MUL1: variants seen among roughly 807,000 people sequenced by gnomAD.
MUL1 encodes the protein mitochondrial E3 ubiquitin protein ligase 1.
In MUL1, 30 loss-of-function variants were observed where a neutral mutation model predicts 34.1. The ratio of observed to expected loss-of-function variants is 0.88; its 90% CI spans 0.66 to 1.19. The LOEUF is 1.19. MUL1 is among the 50% of genes most tolerant of loss of function. The pLI is 0.00. For synonymous variants in MUL1, 191 were observed against 187.8 expected (o/e 1.02, Z -0.14); for missense variants, 419 against 450.5 (o/e 0.93, Z 0.63).
Position 20,500,849 on chromosome 1 carries a change from G to A in MUL1, c.900C>T (p.Ser300=), listed in dbSNP as rs147427401. Residue 300 remains serine (S), a synonymous_variant, in exon 4 of 4, where the codon AGC becomes AGT. Transcript: ENST00000264198. ...AKPEDRESLK[S]ACVVCLSSFK... is the part of the protein sequence containing the mutation. ...AGCTGCTCAGACACACTACACAGGC[G>A]CTCTTCAGACTCTCCCTGTCCTCAG... is the stretch of plus-strand genomic sequence containing the variant. 2.5e-5 allele frequency: 41 copies of A among 1,614,038 alleles called. No homozygotes were observed. The East Asian group carries it at 3.8e-4, about 15-fold the overall frequency.
At chr1:20,507,482 C>T (rs2051727256) in intron 1 of MUL1, among the ~76,000 whole-genome samples, 1 of 152,196 alleles carries the variant, frequency 6.6e-6, no homozygotes, top group South Asian at 2.1e-4. Flanking sequence ...CTCCAGCATT[C>T]CATGTCCTCT....
rs374704235 is a variant in MUL1, at chr1:20,500,883, C to G, written c.866G>C (p.Arg289Pro). The change falls in exon 4 of 4, where the codon CGA becomes CCA. Residue 289 changes from arginine to proline, a missense_variant. By Grantham distance (103) the Arg-to-Pro change is moderately radical. Transcript: ENST00000264198. The part of the protein sequence containing the change: ...FQEHEAQLLS[R>P]AKPEDRESLK... ...ACTCTCCCTGTCCTCAGGCTTGGCTCGGCTCAGCAGCTGGGCCTCATGCTC... is the reference window on the plus strand; with the variant it reads ...ACTCTCCCTGTCCTCAGGCTTGGCTGGGCTCAGCAGCTGGGCCTCATGCTC... The G allele has an allele frequency of 6.2e-7, 1 of 1,613,974 alleles. No individual in the cohort carries two copies. The highest frequency in any genetic ancestry group is 1.3e-5 in the African/African-American group (1 of 74,946).
intron 2 of MUL1, 40 bp downstream of exon 2, chr1:20,503,182 A>G (rs762246895): frequency 7.2e-6 from 10 of 1,396,652 alleles, no homozygotes; most frequent in East Asian, 2.3e-5. Context: ...ATCTTTTGGG[A>G]AAAAGACGTT....
intron 1 of MUL1, among the ~76,000 whole-genome samples, chr1:20,504,529 T>G (rs1173937748): frequency 6.6e-6 from 1 of 152,184 alleles, no homozygotes; most frequent in Admixed American, 6.5e-5. Flanking sequence ...CACTCTGAGT[T>G]TAAGCTACTG....
chr1:20,508,146 T>TA lies in MUL1; in HGVS notation c.-123_-122insT, dbSNP rs2051737899. ...GCCTAACCTGACCGGAAACTCGAAA[T>TA]CAGTCGCCCAGCGATGACGCACGAC... On this transcript the variant is annotated 5_prime_UTR_variant, in exon 1 of 4. Coordinates refer to ENST00000264198, the MANE Select transcript of MUL1 (RefSeq NM_024544.3). 7.2e-7 allele frequency: 1 copy of TA among 1,397,112 alleles called. No individual in the cohort carries two copies. The highest frequency in any genetic ancestry group is 1.4e-5 in the African/African-American group (1 of 69,626). 86.5% of individuals were successfully genotyped at this position (1,397,112 alleles called of 1,614,324 possible). A position where few individuals can be genotyped will look rare whatever the true frequency, so the allele number is the denominator to read the frequency against.
chr1:20,501,348 C>A lies in MUL1; in HGVS notation c.401G>T (p.Gly134Val), dbSNP rs1221191686. 1.9e-6 allele frequency: 3 copies of A among 1,614,154 alleles called. No homozygotes were observed. Residue 134 changes from glycine to valine, a missense_variant, in exon 4 of 4, where the codon GGC becomes GTC. Transcript: ENST00000264198. This position sits in a 1 kb window ranked among gnomAD's most constrained non-coding sequence, Gnocchi z 4.2. ...VPFDLVPHED[G>V]VDVAVRVLKP... Reference sequence around the variant, plus strand: ...CAGCACTCGCACAGCCACATCCACGCCATCCTCGTGGGGCACCAGGTCAAA... The same window carrying A: ...CAGCACTCGCACAGCCACATCCACGACATCCTCGTGGGGCACCAGGTCAAA...
intron 1 of MUL1, among the ~76,000 whole-genome samples, chr1:20,506,315 T>A (rs2051713443): frequency 6.6e-6 from 1 of 152,176 alleles, no homozygotes; most frequent in African/African-American, 2.4e-5. Flanking sequence ...TGCCAAGTAC[T>A]GTGTTAGAAG....
rs190603480 is a variant in MUL1 at position 20,508,118 on chromosome 1, C to G, written c.-94G>C. 63 of 1,459,692 alleles carry G rather than the reference C, an allele frequency of 4.3e-5. No individual in the cohort carries two copies. Among genetic ancestry groups the G allele is most frequent in the Middle Eastern group, 5.0e-4 (2 of 4,012 alleles). The allele number at this position is 1,459,692 out of a possible 1,614,324, so 90.4% of individuals were successfully genotyped here. A position where few individuals can be genotyped will look rare whatever the true frequency, so the allele number is the denominator to read the frequency against. On this transcript the variant is annotated 5_prime_UTR_variant, in exon 1 of 4. Coordinates refer to ENST00000264198, the MANE Select transcript of MUL1 (RefSeq NM_024544.3). The stretch of plus-strand genomic sequence containing the variant: ...TCCTTCCGACCAGGACCGCACCCCC[C>G]CGGCCTAACCTGACCGGAAACTCGA...
rs1570330363 is a variant in MUL1 at position 20,499,487 on chromosome 1, C to A, written c.*1203G>T. On this transcript the variant is annotated 3_prime_UTR_variant, in exon 4 of 4. Transcript: ENST00000264198. ...TTTAATTTCTGCTGTTCACACTGGACACTGCATCATACTAGTGTCGGCCCC... is the reference window on the plus strand; with the variant it reads ...TTTAATTTCTGCTGTTCACACTGGAAACTGCATCATACTAGTGTCGGCCCC... 1 of 152,268 alleles carries A rather than the reference C, an allele frequency of 6.6e-6. No homozygotes were observed. The highest frequency in any genetic ancestry group is 1.5e-5 in the Non-Finnish European group (1 of 68,076). 9.4% of individuals were successfully genotyped at this position (152,268 alleles called of 1,614,324 possible). A position where few individuals can be genotyped will look rare whatever the true frequency, so the allele number is the denominator to read the frequency against.
intron 2 of MUL1, among the ~76,000 whole-genome samples, chr1:20,502,843 A>AG (rs2051677212): frequency 6.6e-6 from 1 of 152,060 alleles, no homozygotes; most frequent in African/African-American, 2.4e-5. Flanking sequence ...CTCAAAAAAA[A>AG]ATTTTTTTTT....
intron 2 of MUL1, 95 bp downstream of exon 2, chr1:20,503,127 A>G (rs2051680451): frequency 1.2e-6 from 1 of 858,222 alleles, no homozygotes; most frequent in African/African-American, 1.7e-5. Context: ...CCATGGACCC[A>G]ACACCACAAA....
chr1:20,502,738 C>T (rs991103059), intron 2 of MUL1, among the ~76,000 whole-genome samples: 6 of 152,018 alleles, frequency 3.9e-5, no homozygotes, highest in Admixed American at 1.3e-4. Flanking sequence ...TTCATCATGT[C>T]GACCAGGCTG....
In MUL1 at chr1:20,499,782, A is replaced by G. The variant is rs1036624940; in HGVS notation, c.*908T>C. On this transcript the variant is annotated 3_prime_UTR_variant, in exon 4 of 4. Transcript: ENST00000264198. The stretch of plus-strand genomic sequence containing the variant: ...CTGGATGAGGGAGCCCCAAGAGGGC[A>G]TATGCTCAGGGTGCCAGCCGGCTGC... 1.3e-5 allele frequency: 2 copies of G among 152,260 alleles called. No homozygotes were observed. Among genetic ancestry groups the G allele is most frequent in the African/African-American group, 4.8e-5 (2 of 41,462 alleles). 9.4% of individuals were successfully genotyped at this position (152,260 alleles called of 1,614,324 possible). A position where few individuals can be genotyped will look rare whatever the true frequency, so the allele number is the denominator to read the frequency against.
intron 1 of MUL1, among the ~76,000 whole-genome samples, chr1:20,507,326 G>C (rs111943919): frequency 6.6e-6 from 1 of 152,260 alleles, no homozygotes; most frequent in Non-Finnish European, 1.5e-5. Context: ...GGAAGCGTCT[G>C]TAAAGCAAGG....
At chr1:20,505,611 AGG>A (rs2051706627) in intron 1 of MUL1, among the ~76,000 whole-genome samples, 2 of 141,496 alleles carry the variant, frequency 1.4e-5, no homozygotes, top group Non-Finnish European at 1.5e-5. Context: ...AAAAAAGAAG[AGG>A]AAAAAGAAAA....
intron 1 of MUL1, among the ~76,000 whole-genome samples, chr1:20,505,070 A>C (rs1056322207): frequency 3.3e-5 from 5 of 152,222 alleles, no homozygotes; most frequent in Admixed American, 1.3e-4. Flanking sequence ...ACTTGGGACA[A>C]CTTCATTTAT....
At position 20,500,795 on chromosome 1, in the gene MUL1, C is replaced by A. The variant is rs758358899; in HGVS notation, c.954G>T (p.Gly318=). 1.6e-5 allele frequency: 26 copies of A among 1,614,036 alleles called. No individual in the cohort carries two copies. The highest frequency in any genetic ancestry group is 2.2e-5 in the Non-Finnish European group (26 of 1,180,036). Residue 318 remains glycine, a synonymous_variant, in exon 4 of 4, where the codon GGG becomes GGT. Coordinates refer to ENST00000264198, the MANE Select transcript of MUL1 (RefSeq NM_024544.3). ...AGCACTCGGTGCAGGAACAAACGTG[C>A]CCACACTCCAGAAAGACGCAGGACT... ...SFKSCVFLEC[G]HVCSCTECYR...
rs113567517 is a variant in MUL1, at chr1:20,506,765, A to G, written c.120+1140T>C. 2.3e-3 allele frequency among the ~76,000 whole-genome samples: 355 copies of G among 151,932 alleles called. 2 individuals are homozygous for G. The highest frequency in any genetic ancestry group is 8.0e-3 in the African/African-American group (331 of 41,410). ...CTCCGGAGGCTGAGGCAGGAAAATC[A>G]CTTGAACGCGGGAGGCAGAGGTTGC... is the stretch of plus-strand genomic sequence containing the variant. On this transcript the variant is annotated intron_variant, in intron 1 of 3. Transcript: ENST00000264198.
At position 20,507,975 on chromosome 1, in the gene MUL1, G is replaced by A; in HGVS notation, c.50C>T (p.Thr17Ile). ...CAGGGCGGCGGTGACCACAGAGGTG[G>A]TGCCCAGGAGGATGAACTGGCACAG... ...PSLCQFILLG[T>I]TSVVTAALYS... The change falls in exon 1 of 4, where the codon ACC becomes ATC. Residue 17 changes from threonine to isoleucine, a missense_variant. Physicochemically the swap from Thr to Ile is moderately conservative, Grantham distance 89 (BLOSUM62 -1). Transcript: ENST00000264198. The A allele has an allele frequency of 1.3e-6, 2 of 1,593,094 alleles. No individual in the cohort carries two copies. The highest frequency in any genetic ancestry group is 1.7e-6 in the Non-Finnish European group (2 of 1,170,894).
Sources: allele counts gnomAD v4.1 joint callset (sites outside exome capture counted in the v4.1 genomes callset), GRCh38; gene constraint gnomAD v4.1.1; non-coding constraint Gnocchi (gnomAD v3.1); transcripts MANE v1.5; gene names NCBI Gene and HGNC (gene_info 2026-07-23, HGNC 2026-07-21).